Variants in KLF12 observed in about 807,000 individuals in gnomAD.
KLF12 encodes Krueppel-like factor 12.
KLF12 carries 9 observed loss-of-function variants against 37.8 expected under a neutral mutation model. The observed-to-expected ratio is 0.24, with a 90% CI of 0.14 to 0.42. KLF12 has a LOEUF of 0.42. KLF12 is among the 10% of genes least tolerant of loss of function. The probability of loss-of-function intolerance (pLI) is 1.00; values close to 1 mark genes in which losing one functional copy is unlikely to be tolerated. For synonymous variants in KLF12, 208 were observed against 202.1 expected (o/e 1.03, Z -0.25); for missense variants, 411 against 516.0 (o/e 0.80, Z 1.97).
chr13:73,738,386 A>G (rs897544266), intron 6 of KLF12, among the ~76,000 whole-genome samples: 1 of 151,260 alleles, frequency 6.6e-6, no homozygotes, highest in South Asian at 2.1e-4. Flanking sequence ...TCCTGACCTC[A>G]GGTGATCCAC....
chr13:73,997,708 A>G (rs1892161698), intron 1 of KLF12, among the ~76,000 whole-genome samples: 1 of 150,894 alleles, frequency 6.6e-6, no homozygotes, highest in Non-Finnish European at 1.5e-5. Context: ...AAAGCACAGA[A>G]GTTTTAAAGG....
the KLF12 span, among the ~76,000 whole-genome samples, chr13:74,234,605 G>A: frequency 1.3e-5 from 2 of 152,238 alleles, no homozygotes; most frequent in Non-Finnish European, 2.9e-5. Context: ...TCAGAAATAA[G>A]AAAGGTATTG....
chr13:73,774,928 T>TC lies in KLF12; in HGVS notation c.807-9929_807-9928insG, dbSNP rs1279900761. On this transcript the variant is annotated intron_variant, in intron 5 of 7. Coordinates refer to ENST00000377669, the MANE Select transcript of KLF12 (RefSeq NM_007249.5). ...CTTCTCTCGCATTCTTTTTTTTTTT[T>TC]TTTTTTTAAGATGGAGTCTTGCTCT... Among the ~76,000 whole-genome samples, 301 of 150,762 alleles carry TC rather than the reference T, an allele frequency of 2.0e-3. 1 individual carries two copies. Among genetic ancestry groups the TC allele is most frequent in the Non-Finnish European group, 3.1e-3 (211 of 67,746 alleles).
Position 74,127,090 on chromosome 13 carries a change from G to C in KLF12, c.-32+6649C>G, listed in dbSNP as rs898010206. On this transcript the variant is annotated intron_variant, in intron 1 of 7. Coordinates refer to ENST00000377669, the MANE Select transcript of KLF12 (RefSeq NM_007249.5). ...ATTGATCATAGCTCGTTGTAGCCCT[G>C]AACTCTGGGATCAAGGGATCCTCCT... 2.0e-5 allele frequency among the ~76,000 whole-genome samples: 3 copies of C among 152,226 alleles called. No individual in the cohort carries two copies. The East Asian group carries it at 5.8e-4, about 29-fold the overall frequency.
the KLF12 span, among the ~76,000 whole-genome samples, chr13:74,158,660 T>C: frequency 1.3e-5 from 2 of 152,008 alleles, no homozygotes; most frequent in African/African-American, 2.4e-5. Flanking sequence ...ATTAGATTAT[T>C]AGAATAAAAA....
chr13:74,181,896 G>C, the KLF12 span, among the ~76,000 whole-genome samples: 1 of 152,096 alleles, frequency 6.6e-6, no homozygotes, highest in South Asian at 2.1e-4. Flanking sequence ...GTTTGATAGT[G>C]GCATAGAATA....
intron 6 of KLF12, among the ~76,000 whole-genome samples, chr13:73,725,595 GAA>G (rs200367758): frequency 0.04 from 5,780 of 145,630 alleles, 117 homozygotes; most frequent in South Asian, 0.1. Flanking sequence ...TATCTTTAAG[GAA>G]AAAAAAAAAG....
chr13:74,072,378 T>TATATATAA (rs1458610239), intron 1 of KLF12, among the ~76,000 whole-genome samples: 1 of 106,780 alleles, frequency 9.4e-6, no homozygotes, highest in Non-Finnish European at 1.8e-5. Flanking sequence ...TATATATATA[T>TATATATAA]ATATATATAT....
intron 5 of KLF12, among the ~76,000 whole-genome samples, chr13:73,774,611 T>C (rs1429516697): frequency 6.6e-6 from 1 of 152,214 alleles, no homozygotes; most frequent in Non-Finnish European, 1.5e-5. Context: ...AATTATACTA[T>C]GAGGATGTAA....
intron 2 of KLF12, among the ~76,000 whole-genome samples, chr13:73,985,524 G>C (rs2138207124): frequency 6.6e-6 from 1 of 152,264 alleles, no homozygotes; most frequent in East Asian, 1.9e-4. Context: ...TTTAAACCAG[G>C]CTCAGGGTCC....
At chr13:74,096,398 C>T (rs1450590220) in intron 1 of KLF12, among the ~76,000 whole-genome samples, 1 of 152,140 alleles carries the variant, frequency 6.6e-6, no homozygotes, top group Non-Finnish European at 1.5e-5. Context: ...CCTCTCTCTC[C>T]AGCACAGAAA....
chr13:74,043,839 G>A (rs1476026255), intron 1 of KLF12, among the ~76,000 whole-genome samples: 1 of 152,190 alleles, frequency 6.6e-6, no homozygotes, highest in East Asian at 1.9e-4. Context: ...TGAAAGAAGA[G>A]TGGGAGAGCA....
At chr13:73,728,233 C>T (rs556356740) in intron 6 of KLF12, among the ~76,000 whole-genome samples, 63 of 151,994 alleles carry the variant, frequency 4.1e-4, no homozygotes, top group Non-Finnish European at 7.8e-4. Context: ...TAAATGAAAT[C>T]GTTTTCTTAA....
At chr13:74,103,257 C>T (rs1446776902) in intron 1 of KLF12, among the ~76,000 whole-genome samples, 1 of 152,162 alleles carries the variant, frequency 6.6e-6, no homozygotes, top group Non-Finnish European at 1.5e-5. Context: ...AATTTCATCC[C>T]AGCTGTTGAA....
At chr13:73,830,728 G>A (rs1356179843) in intron 4 of KLF12, among the ~76,000 whole-genome samples, 5 of 152,162 alleles carry the variant, frequency 3.3e-5, no homozygotes, top group African/African-American at 4.8e-5. Context: ...GAACAGGCGT[G>A]TCTGTGTTGT....
intron 1 of KLF12, among the ~76,000 whole-genome samples, chr13:74,091,220 A>T (rs936901260): frequency 2.0e-5 from 3 of 152,236 alleles, no homozygotes; most frequent in Non-Finnish European, 4.4e-5. Flanking sequence ...ATATTCAAAA[A>T]TTAAAAATGG....
the KLF12 span, among the ~76,000 whole-genome samples, chr13:74,167,831 G>A: frequency 4.6e-5 from 7 of 152,014 alleles, no homozygotes; most frequent in Admixed American, 3.9e-4. Context: ...GAGCAAACAG[G>A]GTACTTGTTA....
At chr13:73,925,372 A>G (rs996745144) in intron 3 of KLF12, among the ~76,000 whole-genome samples, 2 of 152,236 alleles carry the variant, frequency 1.3e-5, no homozygotes, top group Admixed American at 1.3e-4. Flanking sequence ...GAATGATGCT[A>G]AATCTACTGT....
At chr13:73,997,260 G>A (rs551888473) in intron 1 of KLF12, among the ~76,000 whole-genome samples, 3 of 152,132 alleles carry the variant, frequency 2.0e-5, no homozygotes, top group South Asian at 2.1e-4. Flanking sequence ...ATTATCTTCC[G>A]GCTGTGTGAA....
Sources: allele counts gnomAD v4.1 joint callset (sites outside exome capture counted in the v4.1 genomes callset), GRCh38; gene constraint gnomAD v4.1.1; transcripts MANE v1.5; gene names NCBI Gene and HGNC (gene_info 2026-07-23, HGNC 2026-07-21).